Variants in MEIKIN observed in about 807,000 individuals in gnomAD.
MEIKIN encodes the protein meiosis-specific kinetochore protein.
chr5:131,914,398 A>G (rs1406492484), intron 7 of MEIKIN, among the ~76,000 whole-genome samples: 1 of 144,596 alleles, frequency 6.9e-6, no homozygotes, highest in Non-Finnish European at 1.5e-5. Context: ...AAAAAAAAAA[A>G]GAAAGAAAGA....
chr5:131,836,806 A>C (rs1749817274), intron 11 of MEIKIN, among the ~76,000 whole-genome samples: 1 of 151,206 alleles, frequency 6.6e-6, no homozygotes, highest in Non-Finnish European at 1.5e-5. Flanking sequence ...CCTTTGTTAG[A>C]TGCATAGTTT....
chr5:131,831,129 C>T (rs1320043949), intron 11 of MEIKIN, among the ~76,000 whole-genome samples: 1 of 152,186 alleles, frequency 6.6e-6, no homozygotes, highest in African/African-American at 2.4e-5. Flanking sequence ...AACTCCTAAC[C>T]TTTGGTGATC....
intron 11 of MEIKIN, among the ~76,000 whole-genome samples, chr5:131,837,972 A>G (rs752695203): frequency 3.3e-5 from 5 of 152,028 alleles, no homozygotes; most frequent in Non-Finnish European, 7.4e-5. Flanking sequence ...GTTTTTGCCT[A>G]TTCATTATGA....
chr5:131,831,944 G>A (rs1749722664), intron 11 of MEIKIN, among the ~76,000 whole-genome samples: 1 of 152,128 alleles, frequency 6.6e-6, no homozygotes, highest in African/African-American at 2.4e-5. Flanking sequence ...ACAACACATG[G>A]GAATTCTGGG....
rs193191358 is a variant in MEIKIN at position 131,917,782 on chromosome 5, T to C, written c.599-857A>G. On this transcript the variant is annotated intron_variant, in intron 6 of 12. Coordinates refer to ENST00000442687, the MANE Select transcript of MEIKIN (RefSeq NM_001303622.2). ...CCTTTAGTTTCTGTGGTACTTATGTTAGATTAGAATTTTTAAATCTCACCA... is the reference window on the plus strand; with the variant it reads ...CCTTTAGTTTCTGTGGTACTTATGTCAGATTAGAATTTTTAAATCTCACCA... Among the ~76,000 whole-genome samples the C allele has an allele frequency of 3.0e-3, 459 of 152,260 alleles. 1 individual carries two copies. Among genetic ancestry groups the C allele is most frequent in the Non-Finnish European group, 4.5e-3 (305 of 68,014 alleles).
At chr5:131,854,700 G>A in intron 10 of MEIKIN, 54 bp downstream of exon 10, 2 of 396,846 alleles carry the variant, frequency 5.0e-6, no homozygotes, top group Non-Finnish European at 8.9e-6. Flanking sequence ...TAGAAGAATG[G>A]GGAGAGGAGG....
intron 8 of MEIKIN, among the ~76,000 whole-genome samples, chr5:131,896,988 T>C (rs1751064498): frequency 6.6e-6 from 1 of 152,208 alleles, no homozygotes. Context: ...CGGTGGTCTT[T>C]ACAATCTGGC....
At chr5:131,892,974 G>T (rs1400588468) in intron 8 of MEIKIN, among the ~76,000 whole-genome samples, 2 of 152,170 alleles carry the variant, frequency 1.3e-5, no homozygotes, top group African/African-American at 4.8e-5. Flanking sequence ...GTTTGCTGGA[G>T]GTTCACTCCA....
At chr5:131,914,477 GAA>G (rs1285503289) in intron 7 of MEIKIN, among the ~76,000 whole-genome samples, 3 of 133,276 alleles carry the variant, frequency 2.3e-5, no homozygotes, top group Admixed American at 8.8e-5. Context: ...GAGAGAGAAA[GAA>G]AGAGAGAGAA....
intron 8 of MEIKIN, among the ~76,000 whole-genome samples, chr5:131,887,499 T>C (rs1038370044): frequency 6.6e-6 from 1 of 152,182 alleles, no homozygotes; most frequent in Non-Finnish European, 1.5e-5. Context: ...CTAGCATCTG[T>C]TGTTTCCTGA....
In MEIKIN at chr5:131,809,307, C is replaced by A. The variant is rs145790989; in HGVS notation, c.1100-2049G>T. 7.2e-5 allele frequency among the ~76,000 whole-genome samples: 11 copies of A among 152,246 alleles called. No individual in the cohort carries two copies. In the East Asian group the frequency reaches 1.9e-3, roughly 27 times the overall value. On this transcript the variant is annotated intron_variant, in intron 12 of 12. Transcript: ENST00000442687. ...ACACTAAAACAACAGACTTAAAAGGCCTCCACGATGGCAAACTAGTTGGAT... is the reference window on the plus strand; with the variant it reads ...ACACTAAAACAACAGACTTAAAAGGACTCCACGATGGCAAACTAGTTGGAT...
intron 8 of MEIKIN, among the ~76,000 whole-genome samples, chr5:131,891,535 G>A (rs1019729415): frequency 1.3e-5 from 2 of 152,140 alleles, no homozygotes; most frequent in South Asian, 2.1e-4. Context: ...GACGAGGATT[G>A]CAACCCCTGC....
chr5:131,882,301 C>T (rs1425194391), intron 8 of MEIKIN, among the ~76,000 whole-genome samples: 3 of 152,142 alleles, frequency 2.0e-5, no homozygotes, highest in African/African-American at 7.2e-5. Context: ...GTCTTTGGAA[C>T]TTAGAAAAGT....
At chr5:131,838,906 G>T (rs893938513) in intron 11 of MEIKIN, among the ~76,000 whole-genome samples, 7 of 152,010 alleles carry the variant, frequency 4.6e-5, no homozygotes, top group Non-Finnish European at 8.8e-5. Flanking sequence ...TTTGGGGTAG[G>T]TTTCCTCTTG....
chr5:131,845,895 A>T (rs1251796302), intron 11 of MEIKIN, among the ~76,000 whole-genome samples: 1 of 152,144 alleles, frequency 6.6e-6, no homozygotes, highest in Non-Finnish European at 1.5e-5. Flanking sequence ...AATGACTGAA[A>T]TTTTCCAAAT....
intron 8 of MEIKIN, among the ~76,000 whole-genome samples, chr5:131,879,369 CA>C (rs1269262620): frequency 1.3e-5 from 2 of 152,194 alleles, no homozygotes; most frequent in Non-Finnish European, 2.9e-5. Flanking sequence ...TCCACATTTT[CA>C]AGCTCTTTTT....
intron 9 of MEIKIN, among the ~76,000 whole-genome samples, chr5:131,867,134 A>G (rs1231198314): frequency 6.6e-6 from 1 of 152,206 alleles, no homozygotes; most frequent in Non-Finnish European, 1.5e-5. Flanking sequence ...TTAGTCTGCC[A>G]AAATTTTTCC....
intron 8 of MEIKIN, among the ~76,000 whole-genome samples, chr5:131,893,911 C>T (rs987270524): frequency 2.0e-5 from 3 of 152,046 alleles, no homozygotes; most frequent in African/African-American, 7.2e-5. Flanking sequence ...AATTAGATCC[C>T]ATTTGTCTAT....
intron 7 of MEIKIN, among the ~76,000 whole-genome samples, chr5:131,914,671 G>A (rs1431170011): frequency 1.3e-5 from 2 of 151,858 alleles, no homozygotes; most frequent in East Asian, 3.9e-4. Context: ...CAGGTATTTT[G>A]TAATAAGCAA....
Sources: gnomAD v4.1 joint callset for allele counts (sites outside exome capture counted in the v4.1 genomes callset) on GRCh38, gnomAD v4.1.1 for gene constraint, MANE v1.5 for transcripts, NCBI Gene and HGNC (gene_info 2026-07-23, HGNC 2026-07-21) for gene names.